Variants in PCDHGA7 observed in about 807,000 individuals in gnomAD.
The protein encoded by PCDHGA7 is protocadherin gamma subfamily A, 7, also known as protocadherin gamma-A7.
PCDHGA7 carries 44 observed loss-of-function variants against 58.3 expected under a neutral mutation model. The ratio of observed to expected loss-of-function variants is 0.75; its 90% CI spans 0.59 to 0.97. The LOEUF (loss-of-function observed/expected upper bound fraction) is 0.97. Ranked by LOEUF, PCDHGA7 falls within the 50% of genes least tolerant of loss-of-function variation. The pLI is 0.00. For synonymous variants in PCDHGA7, 516 were observed against 504.2 expected (o/e 1.02, Z -0.31); for missense variants, 1,266 against 1,188.7 (o/e 1.06, Z -0.96).
rs56854727 is a variant in PCDHGA7, at chr5:141,438,635, TACACACAC to T, written c.2424+53322_2424+53329del. ...ATATATATATATATATATATATATA[TACACACAC>T]ACACACACATATATGTATATATATA... On this transcript the variant is annotated intron_variant, in intron 1 of 3. Transcript: ENST00000518325. Among the ~76,000 whole-genome samples, 72 of 33,376 alleles carry T rather than the reference TACACACAC, an allele frequency of 2.2e-3. 1 individual carries two copies. Among genetic ancestry groups the T allele is most frequent in the Non-Finnish European group, 3.0e-3 (57 of 18,970 alleles). The allele number at this position is 33,376 out of a possible 152,430, so 21.9% of individuals were successfully genotyped here.
chr5:141,449,774 A>G (rs541830970), intron 1 of PCDHGA7, among the ~76,000 whole-genome samples: 2 of 151,714 alleles, frequency 1.3e-5, no homozygotes, highest in African/African-American at 4.8e-5. Flanking sequence ...AAGTTGTAGA[A>G]ATTATGTTTC....
In PCDHGA7 at chr5:141,487,818, G is replaced by A. The variant is rs1009237001; in HGVS notation, c.2425-6989G>A. On this transcript the variant is annotated intron_variant, in intron 1 of 3. Coordinates refer to ENST00000518325, the MANE Select transcript of PCDHGA7 (RefSeq NM_018920.4). This position sits in a 1 kb window ranked among gnomAD's most constrained non-coding sequence, Gnocchi z 5.0. ...GAGTTGTCACAGTTTAGCATTGGGG[G>A]CGGGTCATGCCTATATCTGAGTAAG... The A allele has an allele frequency of 1.2e-4, 158 of 1,331,596 alleles. No homozygotes were observed. The highest frequency in any genetic ancestry group is 1.4e-4 in the Non-Finnish European group (140 of 970,524). 82.5% of individuals were successfully genotyped at this position (1,331,596 alleles called of 1,614,324 possible). A position where few individuals can be genotyped will look rare whatever the true frequency, so the allele number is the denominator to read the frequency against.
intron 1 of PCDHGA7, among the ~76,000 whole-genome samples, chr5:141,438,039 C>T (rs1373700448): frequency 6.6e-6 from 1 of 152,024 alleles, no homozygotes; most frequent in Non-Finnish European, 1.5e-5. Flanking sequence ...CCATGCCCGA[C>T]CACTTTGAGT....
In PCDHGA7 at chr5:141,414,129, C is replaced by A. The variant is rs1487550233; in HGVS notation, c.2424+28806C>A. The A allele has an allele frequency of 1.9e-6, 3 of 1,594,152 alleles. No homozygotes were observed. In the Admixed American group the frequency reaches 5.3e-5, roughly 28 times the overall value. ...ATCTAGATTATGAAGAAACCGGTTT[C>A]TATGAAATAGAAATACAAGCAGAAG... On this transcript the variant is annotated intron_variant, in intron 1 of 3. Coordinates refer to ENST00000518325, the MANE Select transcript of PCDHGA7 (RefSeq NM_018920.4).
intron 2 of PCDHGA7, among the ~76,000 whole-genome samples, chr5:141,500,508 C>T (rs2099801020): frequency 6.6e-6 from 1 of 152,078 alleles, no homozygotes; most frequent in African/African-American, 2.4e-5. Context: ...CGCGCCTGGC[C>T]GAGCTTCATT....
Position 141,388,206 on chromosome 5 carries a change from G to C in PCDHGA7, c.2424+2883G>C. ...GCCAGCTTGTGCTCTGGAATTTGAGGCTGTTGCTGAAAATCCACTGAACTT... is the reference window on the plus strand; with the variant it reads ...GCCAGCTTGTGCTCTGGAATTTGAGCCTGTTGCTGAAAATCCACTGAACTT... On this transcript the variant is annotated intron_variant, in intron 1 of 3. Coordinates refer to ENST00000518325, the MANE Select transcript of PCDHGA7 (RefSeq NM_018920.4). 4 of 1,578,262 alleles carry C rather than the reference G, an allele frequency of 2.5e-6. No homozygotes were observed. In the South Asian group the frequency reaches 4.5e-5, roughly 18 times the overall value.
Position 141,485,175 on chromosome 5 carries a change from T to C in PCDHGA7, c.2425-9632T>C, listed in dbSNP as rs2099608731. ...GTAGAGAATTAGCGGGCGGCAGCAA[T>C]GCTCCGCAAGGTGAGAAGCTGGACA... On this transcript the variant is annotated intron_variant, in intron 1 of 3. Coordinates refer to ENST00000518325, the MANE Select transcript of PCDHGA7 (RefSeq NM_018920.4). The surrounding 1 kb of genome is among the most constrained non-coding windows in gnomAD (Gnocchi z 5.7). 6.2e-7 allele frequency: 1 copy of C among 1,611,486 alleles called. No homozygotes were observed. Among genetic ancestry groups the C allele is most frequent in the Non-Finnish European group, 8.5e-7 (1 of 1,177,998 alleles).
chr5:141,419,103 C>A, intron 1 of PCDHGA7: 1 of 1,613,886 alleles, frequency 6.2e-7, no homozygotes, highest in South Asian at 1.1e-5. Flanking sequence ...CGGGAGCAGA[C>A]CCCAGAGTAC....
At chr5:141,409,936 A>G in intron 1 of PCDHGA7, 2 of 1,613,064 alleles carry the variant, frequency 1.2e-6, no homozygotes, top group Non-Finnish European at 1.7e-6. Context: ...TCGATATGGT[A>G]CCTCGCTCTG....
chr5:141,438,631 TATATACACACAC>T (rs1290318462), intron 1 of PCDHGA7, among the ~76,000 whole-genome samples: 214 of 43,192 alleles, frequency 5.0e-3, no homozygotes, highest in Non-Finnish European at 6.1e-3. Flanking sequence ...TATATATATA[TATATACACACAC>T]ACACACACAT....
intron 1 of PCDHGA7, chr5:141,415,738 AGGTTTTTT>A: frequency 1.9e-6 from 1 of 538,082 alleles, no homozygotes; most frequent in Non-Finnish European, 2.7e-6. Flanking sequence ...ATGTTTATTA[AGGTTTTTT>A]TTTTTTTTTT....
At chr5:141,414,883 G>A (rs572616023) in intron 1 of PCDHGA7, 1 of 1,614,176 alleles carries the variant, frequency 6.2e-7, no homozygotes, top group South Asian at 1.1e-5. Context: ...CCTGTACCCC[G>A]CCCTCCCCAC....
rs746913952 is a variant in PCDHGA7, at chr5:141,432,898, G to A, written c.2424+47575G>A. The A allele has an allele frequency of 1.2e-6, 2 of 1,614,174 alleles. No homozygotes were observed. Among genetic ancestry groups the A allele is most frequent in the South Asian group, 1.1e-5 (1 of 91,090 alleles). On this transcript the variant is annotated intron_variant, in intron 1 of 3. Transcript: ENST00000518325. This position sits in a 1 kb window ranked among gnomAD's most constrained non-coding sequence, Gnocchi z 6.0. ...TGGCCTTCGTCATCTTGCTGCTGGC[G>A]CTCAGGCTGCGGCGCTGGCACAAGT...
intron 1 of PCDHGA7, chr5:141,390,508 T>C (rs2092164423): frequency 5.1e-6 from 3 of 589,420 alleles, no homozygotes; most frequent in Non-Finnish European, 8.8e-6. Flanking sequence ...AGCTTAGATT[T>C]ATAAAGCAAT....
chr5:141,448,099 T>C (rs1002430560), intron 1 of PCDHGA7, among the ~76,000 whole-genome samples: 1 of 151,272 alleles, frequency 6.6e-6, no homozygotes, highest in African/African-American at 2.4e-5. Context: ...AAAAAAAAAA[T>C]TAAAAGAAAA....
chr5:141,408,346 G>T (rs1248648378), intron 1 of PCDHGA7: 1 of 1,613,824 alleles, frequency 6.2e-7, no homozygotes, highest in African/African-American at 1.3e-5. Context: ...CGGTGGTGGG[G>T]AACCTCGCTA....
At chr5:141,388,360 A>T in intron 1 of PCDHGA7, 4 of 1,613,996 alleles carry the variant, frequency 2.5e-6, no homozygotes, top group Non-Finnish European at 3.4e-6. Flanking sequence ...TCTGCCCATG[A>T]TGCGGATATT....
chr5:141,385,608 T>C, intron 1 of PCDHGA7: 2 of 1,153,978 alleles, frequency 1.7e-6, no homozygotes, highest in Non-Finnish European at 2.2e-6. Context: ...TTAACTCATA[T>C]ATTTTATACA....
chr5:141,488,292 G>A (rs961688781), intron 1 of PCDHGA7, among the ~76,000 whole-genome samples: 1 of 152,216 alleles, frequency 6.6e-6, no homozygotes, highest in African/African-American at 2.4e-5. Flanking sequence ...AAAACAGTAA[G>A]TGAAATCACT....
Sources: allele counts gnomAD v4.1 joint callset (sites outside exome capture counted in the v4.1 genomes callset), GRCh38; gene constraint gnomAD v4.1.1; non-coding constraint Gnocchi (gnomAD v3.1); transcripts MANE v1.5; gene names NCBI Gene and HGNC (gene_info 2026-07-23, HGNC 2026-07-21).